BACH2: variants seen among roughly 807,000 people sequenced by gnomAD.
BACH2 encodes transcription regulator protein BACH2.
BACH2 carries 5 observed loss-of-function variants against 61.8 expected under a neutral mutation model. The observed-to-expected ratio is 0.08, with a 90% CI of 0.04 to 0.17. The LOEUF (loss-of-function observed/expected upper bound fraction) is 0.17, where lower values mean the gene tolerates loss of function less well. Among genes scored for constraint, BACH2 ranks in the 10% least tolerant of loss-of-function variants. BACH2 has a pLI of 1.00. For synonymous variants in BACH2, 446 were observed against 440.1 expected (o/e 1.01, Z -0.17); for missense variants, 824 against 1,091.1 (o/e 0.76, Z 3.45).
In BACH2 at chr6:90,089,108, A is replaced by T. The variant is rs1295463944; in HGVS notation, c.-160T>A. On this transcript the variant is annotated splice_region_variant and 5_prime_UTR_variant, in exon 5 of 9. Transcript: ENST00000257749. ...CCTTGTGACAGGTCAGTGAGTGTCCACCTAATTGGGAAGGAAAAGTTGTCC... is the reference window on the plus strand; with the variant it reads ...CCTTGTGACAGGTCAGTGAGTGTCCTCCTAATTGGGAAGGAAAAGTTGTCC... 2 of 152,210 alleles carry T rather than the reference A, an allele frequency of 1.3e-5. No homozygotes were observed. Among genetic ancestry groups the T allele is most frequent in the Admixed American group, 1.3e-4 (2 of 15,252 alleles). 9.4% of individuals were successfully genotyped at this position (152,210 alleles called of 1,614,324 possible).
At chr6:90,064,902 T>G (rs969956587) in intron 5 of BACH2, among the ~76,000 whole-genome samples, 1 of 152,310 alleles carries the variant, frequency 6.6e-6, no homozygotes, top group African/African-American at 2.4e-5. Context: ...AAATTCCATT[T>G]ATATTTTTAA....
intron 6 of BACH2, among the ~76,000 whole-genome samples, chr6:89,958,012 G>C (rs1031120737): frequency 6.6e-6 from 1 of 152,128 alleles, no homozygotes; most frequent in Admixed American, 6.5e-5. Context: ...AAACATAAAC[G>C]GAGTGTCTTT....
chr6:90,058,298 C>A (rs1327908429), intron 5 of BACH2, among the ~76,000 whole-genome samples: 8 of 152,144 alleles, frequency 5.3e-5, no homozygotes, highest in Non-Finnish European at 1.5e-5. Flanking sequence ...AATCAATGTA[C>A]AAAATCCACA....
rs1562445706 is a variant in BACH2 at position 90,102,834 on chromosome 6, AATAAT to A, written c.-161-13730_-161-13726del. ...TAATAATAATAATAATAATAATAAT[AATAAT>A]AAAAATAAAAGGACCTTCCATTCAG... On this transcript the variant is annotated intron_variant, in intron 4 of 8. Coordinates refer to ENST00000257749, the MANE Select transcript of BACH2 (RefSeq NM_021813.4). 9.3e-4 allele frequency among the ~76,000 whole-genome samples: 131 copies of A among 140,610 alleles called. 1 individual carries two copies. Among genetic ancestry groups the A allele is most frequent in the Admixed American group, 1.4e-3 (20 of 13,808 alleles). The allele number at this position is 140,610 out of a possible 152,430, so 92.2% of individuals were successfully genotyped here.
intron 5 of BACH2, among the ~76,000 whole-genome samples, chr6:90,082,104 A>G (rs770446730): frequency 6.6e-5 from 10 of 152,232 alleles, no homozygotes; most frequent in African/African-American, 2.4e-4. Context: ...TCAGAATTTG[A>G]TTGGAGTTCA....
chr6:90,106,495 T>C (rs1489243361), intron 4 of BACH2, among the ~76,000 whole-genome samples: 1 of 152,244 alleles, frequency 6.6e-6, no homozygotes, highest in Non-Finnish European at 1.5e-5. Context: ...CTAGGAGCAG[T>C]AGACTATACC....
chr6:90,046,704 T>C (rs1366309796), intron 5 of BACH2, among the ~76,000 whole-genome samples: 7 of 152,144 alleles, frequency 4.6e-5, no homozygotes, highest in Non-Finnish European at 7.4e-5. Flanking sequence ...ATGGGCTCTT[T>C]CAGATGTTTT....
intron 5 of BACH2, chr6:90,080,694 TCAA>T: frequency 1.1e-6 from 1 of 939,514 alleles, no homozygotes; most frequent in Non-Finnish European, 1.3e-6. Flanking sequence ...AAAGTCTAGT[TCAA>T]CAAAATCATC....
chr6:90,268,448 G>A (rs1428584121), intron 2 of BACH2, among the ~76,000 whole-genome samples: 1 of 152,112 alleles, frequency 6.6e-6, no homozygotes, highest in Admixed American at 6.5e-5. Context: ...AACTCGAACT[G>A]GACTCTGCAG....
chr6:89,982,908 C>T (rs1459836661), intron 6 of BACH2, among the ~76,000 whole-genome samples: 3 of 152,190 alleles, frequency 2.0e-5, no homozygotes, highest in Non-Finnish European at 4.4e-5. Flanking sequence ...TTTCCCCATT[C>T]CTGCAGAATG....
In BACH2 at chr6:90,065,270, C is replaced by CTTTTTTTTTTTTTTTTTTTT. The variant is rs71027920; in HGVS notation, c.-13+23671_-13+23690dup. ...GCCACCCCACCCCCTGCCGCCCCCA[C>CTTTTTTTTTTTTTTTTTTTT]TTTTTTTTTTTTTTTTTTTTTTTTT... On this transcript the variant is annotated intron_variant, in intron 5 of 8. Coordinates refer to ENST00000257749, the MANE Select transcript of BACH2 (RefSeq NM_021813.4). 4.6e-3 allele frequency among the ~76,000 whole-genome samples: 244 copies of CTTTTTTTTTTTTTTTTTTTT among 52,660 alleles called. 31 individuals carry two copies. Among genetic ancestry groups the CTTTTTTTTTTTTTTTTTTTT allele is most frequent in the Middle Eastern group, 0.043 (2 of 46 alleles). 34.5% of individuals were successfully genotyped at this position (52,660 alleles called of 152,430 possible).
At chr6:90,290,360 G>A (rs1204207752) in intron 1 of BACH2, among the ~76,000 whole-genome samples, 2 of 152,188 alleles carry the variant, frequency 1.3e-5, no homozygotes, top group African/African-American at 2.4e-5. Context: ...ACCAGATGAC[G>A]TGCTTCATGA....
chr6:90,128,349 G>C (rs1413462236), intron 4 of BACH2, among the ~76,000 whole-genome samples: 1 of 152,134 alleles, frequency 6.6e-6, no homozygotes, highest in African/African-American at 2.4e-5. Flanking sequence ...TTGGGAGGCC[G>C]AGGCGGGTGG....
intron 4 of BACH2, among the ~76,000 whole-genome samples, chr6:90,183,889 C>T (rs1768255905): frequency 6.6e-6 from 1 of 152,186 alleles, no homozygotes; most frequent in Admixed American, 6.5e-5. Context: ...TCAAAGGTGC[C>T]TTAGTCTACC....
chr6:90,274,484 G>A (rs1011223787), intron 1 of BACH2, among the ~76,000 whole-genome samples: 1 of 152,094 alleles, frequency 6.6e-6, no homozygotes, highest in African/African-American at 2.4e-5. Context: ...AAGAAAATCC[G>A]GTTGAAGTGC....
intron 1 of BACH2, among the ~76,000 whole-genome samples, chr6:90,287,903 G>A (rs1772069774): frequency 6.6e-6 from 1 of 152,150 alleles, no homozygotes; most frequent in Admixed American, 6.5e-5. Flanking sequence ...TTTTGGAAGG[G>A]AAGGACAAGG....
chr6:89,999,470 G>T (rs1484365273), intron 6 of BACH2, among the ~76,000 whole-genome samples: 5 of 151,154 alleles, frequency 3.3e-5, no homozygotes, highest in Non-Finnish European at 7.4e-5. Context: ...TTTTCCAAGG[G>T]TGTAGGGTGT....
chr6:90,000,671 T>C (rs1777089924), intron 6 of BACH2, among the ~76,000 whole-genome samples: 1 of 152,230 alleles, frequency 6.6e-6, no homozygotes, highest in African/African-American at 2.4e-5. Context: ...TCATTAAATG[T>C]GAACTAATTT....
chr6:90,253,182 T>C (rs1183738332), intron 2 of BACH2, among the ~76,000 whole-genome samples: 1 of 151,632 alleles, frequency 6.6e-6, no homozygotes, highest in East Asian at 2.0e-4. Flanking sequence ...AGGTGAAGGG[T>C]GCAGTGAGCC....
Sources: gnomAD v4.1 joint callset for allele counts (sites outside exome capture counted in the v4.1 genomes callset) on GRCh38, gnomAD v4.1.1 for gene constraint, MANE v1.5 for transcripts, NCBI Gene and HGNC (gene_info 2026-07-23, HGNC 2026-07-21) for gene names.